Variants in FRYL observed in about 807,000 individuals in gnomAD.
The protein encoded by FRYL is protein furry homolog-like.
FRYL carries 150 observed loss-of-function variants against 351.2 expected under a neutral mutation model. The observed-to-expected ratio is 0.43, with a 90% CI of 0.37 to 0.49. FRYL has a LOEUF of 0.49. Among genes scored for constraint, FRYL ranks in the 20% least tolerant of loss-of-function variants. FRYL has a pLI of 0.00. For missense variants in FRYL, 3,036 were observed against 3,619.3 expected (o/e 0.84, Z 4.13); for synonymous variants, 1,153 against 1,257.1 (o/e 0.92, Z 1.75).
At chr4:48,775,353 T>C (rs899086035) in intron 1 of FRYL, among the ~76,000 whole-genome samples, 4 of 152,256 alleles carry the variant, frequency 2.6e-5, no homozygotes, top group African/African-American at 7.2e-5. Context: ...TTGTGACAGA[T>C]ACAAACTTAA....
chr4:48,612,272 G>C (rs1189105140), intron 7 of FRYL, among the ~76,000 whole-genome samples: 1 of 151,424 alleles, frequency 6.6e-6, no homozygotes, highest in East Asian at 1.9e-4. Context: ...TTGGATCTTT[G>C]CATATTTTCT....
chr4:48,706,873 A>G (rs1332849279), intron 2 of FRYL, among the ~76,000 whole-genome samples: 1 of 152,184 alleles, frequency 6.6e-6, no homozygotes, highest in Non-Finnish European at 1.5e-5. Context: ...TAATAATCAC[A>G]TGAGTGAGCT....
intron 3 of FRYL, among the ~76,000 whole-genome samples, chr4:48,652,755 T>C (rs1757981910): frequency 6.6e-6 from 1 of 152,174 alleles, no homozygotes; most frequent in Non-Finnish European, 1.5e-5. Flanking sequence ...TAAATAAATA[T>C]TTTGGTAAAG....
At chr4:48,688,420 T>TAAGC (rs1468317617) in intron 2 of FRYL, among the ~76,000 whole-genome samples, 1 of 152,132 alleles carries the variant, frequency 6.6e-6, no homozygotes, top group African/African-American at 2.4e-5. Flanking sequence ...TGCTCACAAA[T>TAAGC]AATCAAGCGC....
At chr4:48,760,988 C>T (rs1252456587) in intron 1 of FRYL, among the ~76,000 whole-genome samples, 5 of 146,976 alleles carry the variant, frequency 3.4e-5, no homozygotes, top group Non-Finnish European at 7.5e-5. Flanking sequence ...ACCCTCGCTA[C>T]TCTCTATTAT....
At chr4:48,695,621 C>A (rs1453555379) in intron 2 of FRYL, among the ~76,000 whole-genome samples, 3 of 152,008 alleles carry the variant, frequency 2.0e-5, no homozygotes, top group African/African-American at 7.2e-5. Context: ...TAGGCATGAG[C>A]AAAGACTTCA....
intron 1 of FRYL, among the ~76,000 whole-genome samples, chr4:48,779,087 T>C (rs75396886): frequency 0.061 from 9,231 of 152,114 alleles, 382 homozygotes; most frequent in Non-Finnish European, 0.093. Context: ...AATGCGATTT[T>C]AGGTGGCGAG....
In FRYL at chr4:48,690,542, G is replaced by A. The variant is rs150942708; in HGVS notation, c.-203-5747C>T. 2.8e-3 allele frequency among the ~76,000 whole-genome samples: 429 copies of A among 151,936 alleles called. 1 individual carries two copies. The highest frequency in any genetic ancestry group is 9.8e-3 in the African/African-American group (406 of 41,454). ...CTACAAAGTCTCTGGAAGATGATAC[G>A]CCCACGAGAAACACACAATAAATCT... On this transcript the variant is annotated intron_variant, in intron 2 of 63. Transcript: ENST00000358350.
chr4:48,677,595 G>A (rs541586075), intron 3 of FRYL, among the ~76,000 whole-genome samples: 76 of 152,184 alleles, frequency 5.0e-4, no homozygotes, highest in African/African-American at 1.8e-3. Context: ...ATTTTTAATA[G>A]AGACGGGGTT....
rs936521038 is a variant in FRYL at position 48,745,239 on chromosome 4, A to C, written c.-383-34541T>G. Among the ~76,000 whole-genome samples, 5 of 152,328 alleles carry C rather than the reference A, an allele frequency of 3.3e-5. No homozygotes were observed. The East Asian group carries it at 5.8e-4, about 18-fold the overall frequency. On this transcript the variant is annotated intron_variant, in intron 1 of 63. Coordinates refer to ENST00000358350, the MANE Select transcript of FRYL (RefSeq NM_015030.2). ...AACTAGAAATACCATTTGACCCAGC[A>C]ATCCCATTACTGGGTATATACCCAA...
intron 1 of FRYL, among the ~76,000 whole-genome samples, chr4:48,755,001 T>C (rs1430210407): frequency 6.6e-6 from 1 of 152,222 alleles, no homozygotes; most frequent in African/African-American, 2.4e-5. Context: ...TGTAGCATTG[T>C]GTACAGAACT....
intron 1 of FRYL, among the ~76,000 whole-genome samples, chr4:48,723,615 A>G (rs1769734719): frequency 1.3e-5 from 2 of 152,118 alleles, no homozygotes; most frequent in Admixed American, 6.5e-5. Flanking sequence ...AAGTTCTGTC[A>G]ACCCTATTTT....
At chr4:48,775,338 A>G (rs1366361198) in intron 1 of FRYL, among the ~76,000 whole-genome samples, 1 of 152,370 alleles carries the variant, frequency 6.6e-6, no homozygotes, top group Admixed American at 6.5e-5. Flanking sequence ...AGAGGAGCTC[A>G]TAACTTGTGA....
chr4:48,732,625 AG>A (rs1770852809), intron 1 of FRYL, among the ~76,000 whole-genome samples: 1 of 152,166 alleles, frequency 6.6e-6, no homozygotes, highest in Non-Finnish European at 1.5e-5. Context: ...TGTCCTTTGC[AG>A]GGACATGGAT....
chr4:48,714,719 C>T (rs1768541370), intron 1 of FRYL, among the ~76,000 whole-genome samples: 2 of 150,876 alleles, frequency 1.3e-5, no homozygotes. Flanking sequence ...ACCATTCCTT[C>T]TGAAACTATT....
chr4:48,725,964 G>A (rs1365995104), intron 1 of FRYL, among the ~76,000 whole-genome samples: 5 of 152,072 alleles, frequency 3.3e-5, no homozygotes, highest in Non-Finnish European at 5.9e-5. Context: ...CTGAGGATAA[G>A]GGGAAACTAC....
At position 48,522,930 on chromosome 4, in the gene FRYL, C is replaced by T; in HGVS notation, c.7492G>A (p.Ala2498Thr). The T allele has an allele frequency of 6.2e-7, 1 of 1,613,920 alleles. No homozygotes were observed. The highest frequency in any genetic ancestry group is 8.5e-7 in the Non-Finnish European group (1 of 1,179,842). Residue 2498 changes from alanine (A) to threonine (T), a missense_variant, in exon 54 of 64, where the codon GCA (alanine) becomes ACA (threonine). Physicochemically the swap from Ala to Thr is moderately conservative, Grantham distance 58. This residue lies in a region of FRYL where 1,987 missense variants were observed against 2,311.7 expected (regional missense o/e 0.86). Coordinates refer to ENST00000358350, the MANE Select transcript of FRYL (RefSeq NM_015030.2). ...TGTGTGCGTGAGAGTATCTGGCTTG[C>T]TGTAAGTGCCGCTTCTTCTTCCGAG... ...ESSEEEAALTASQILSRTQML... is the reference protein window; with the variant it reads ...ESSEEEAALTTSQILSRTQML...
At chr4:48,600,636 A>G (rs1043047040) in intron 13 of FRYL, among the ~76,000 whole-genome samples, 1 of 152,174 alleles carries the variant, frequency 6.6e-6, no homozygotes, top group South Asian at 2.1e-4. Flanking sequence ...CAAGCAACAG[A>G]AAAGTATGAA....
intron 55 of FRYL, among the ~76,000 whole-genome samples, chr4:48,519,199 G>A (rs1398063224): frequency 6.6e-6 from 1 of 152,118 alleles, no homozygotes; most frequent in Non-Finnish European, 1.5e-5. Context: ...CTGTAGTGTG[G>A]CATATAGGAC....
Sources: gnomAD v4.1 joint callset for allele counts (sites outside exome capture counted in the v4.1 genomes callset) on GRCh38, gnomAD v4.1.1 for gene constraint, gnomAD v4.1.1 regional missense constraint, MANE v1.5 for transcripts, NCBI Gene and HGNC (gene_info 2026-07-23, HGNC 2026-07-21) for gene names.